GRIK2: variants seen among roughly 807,000 people sequenced by gnomAD.
GRIK2 encodes glutamate ionotropic receptor kainate type subunit 2, also known as glutamate receptor ionotropic, kainate 2.
A neutral mutation model predicts 100.3 loss-of-function variants in GRIK2; 32 were observed. The ratio of observed to expected loss-of-function variants is 0.32; its 90% CI spans 0.24 to 0.43. The LOEUF is 0.43. GRIK2 is among the 20% of genes least tolerant of loss of function. The pLI, the probability that GRIK2 is intolerant of heterozygous loss-of-function variation, is 1.00. For synonymous variants in GRIK2, 417 were observed against 389.4 expected (o/e 1.07, Z -0.83); for missense variants, 843 against 1,114.9 (o/e 0.76, Z 3.47).
chr6:101,855,483 G>A (rs571847032), intron 10 of GRIK2, among the ~76,000 whole-genome samples: 25 of 152,190 alleles, frequency 1.6e-4, no homozygotes, highest in Admixed American at 6.5e-4. Context: ...GTTAAATGAC[G>A]AGAAAACAAC....
chr6:101,413,613 G>C (rs1300777846), intron 2 of GRIK2, among the ~76,000 whole-genome samples: 1 of 151,924 alleles, frequency 6.6e-6, no homozygotes, highest in Non-Finnish European at 1.5e-5. Flanking sequence ...GATCCTGATT[G>C]TTTTTGTTCT....
chr6:101,557,020 T>TA (rs200959813), intron 2 of GRIK2, among the ~76,000 whole-genome samples: 23,914 of 151,778 alleles, frequency 0.16, 2,167 homozygotes, highest in South Asian at 0.31. Flanking sequence ...TAAAGCTGTT[T>TA]AAAAAAAAAC....
At chr6:101,816,595 G>A (rs1351685615) in intron 9 of GRIK2, among the ~76,000 whole-genome samples, 2 of 152,164 alleles carry the variant, frequency 1.3e-5, no homozygotes, top group Non-Finnish European at 2.9e-5. Context: ...GGAGGCTGAG[G>A]CAGGAGAATT....
chr6:101,415,183 G>A (rs554917261), intron 2 of GRIK2, among the ~76,000 whole-genome samples: 6 of 151,816 alleles, frequency 4.0e-5, no homozygotes, highest in Non-Finnish European at 5.9e-5. Flanking sequence ...GATTTAAAAC[G>A]TAATACATGT....
At chr6:101,560,607 A>T (rs961351391) in intron 2 of GRIK2, among the ~76,000 whole-genome samples, 1 of 152,144 alleles carries the variant, frequency 6.6e-6, no homozygotes. Flanking sequence ...AACAATATAT[A>T]CTGTTAAAAC....
At chr6:101,826,875 A>G (rs1782369796) in intron 10 of GRIK2, among the ~76,000 whole-genome samples, 1 of 151,998 alleles carries the variant, frequency 6.6e-6, no homozygotes, top group African/African-American at 2.4e-5. Flanking sequence ...ACATCAGTAA[A>G]TTCCTTTCTT....
intron 4 of GRIK2, among the ~76,000 whole-genome samples, chr6:101,645,953 T>C (rs1436280438): frequency 6.6e-6 from 1 of 152,000 alleles, no homozygotes; most frequent in African/African-American, 2.4e-5. Context: ...TTATACATTT[T>C]TGGTGATAAA....
Position 102,021,948 on chromosome 6 carries a change from T to C in GRIK2, c.2086-13393T>C, listed in dbSNP as rs1214763656. Among the ~76,000 whole-genome samples the C allele has an allele frequency of 5.3e-5, 7 of 131,772 alleles. No homozygotes were observed. In the East Asian group the frequency reaches 6.6e-4, roughly 12 times the overall value. 86.4% of individuals were successfully genotyped at this position (131,772 alleles called of 152,430 possible). Reference sequence around the variant, plus strand: ...AAACACAACGTGGCCAGGATGCTGATACATTCGGAAAAAAAAAAAACTATG... The same window carrying C: ...AAACACAACGTGGCCAGGATGCTGACACATTCGGAAAAAAAAAAAACTATG... On this transcript the variant is annotated intron_variant, in intron 14 of 16. Coordinates refer to ENST00000369134, the MANE Select transcript of GRIK2 (RefSeq NM_021956.5).
intron 11 of GRIK2, among the ~76,000 whole-genome samples, chr6:101,886,899 C>T (rs1786678520): frequency 6.8e-6 from 1 of 147,122 alleles, no homozygotes; most frequent in South Asian, 2.2e-4. Context: ...GATCTCGGCT[C>T]ACTGCAACCT....
At position 101,438,695 on chromosome 6, in the gene GRIK2, G is replaced by A. The variant is rs556296781; in HGVS notation, c.115+39303G>A. Among the ~76,000 whole-genome samples, 13 of 152,070 alleles carry A rather than the reference G, an allele frequency of 8.5e-5. No homozygotes were observed. In the South Asian group the frequency reaches 1.9e-3, roughly 22 times the overall value. On this transcript the variant is annotated intron_variant, in intron 2 of 16. Transcript: ENST00000369134. ...TTACTTTCCAGTAAATATATATAAG[G>A]TAAGATTTCAAAGTGACATGTCAAG...
chr6:101,486,999 C>G (rs577870841), intron 2 of GRIK2, among the ~76,000 whole-genome samples: 1 of 146,304 alleles, frequency 6.8e-6, no homozygotes, highest in Admixed American at 6.8e-5. Flanking sequence ...ATGCCTTTAC[C>G]CCTTTTCAGG....
At chr6:101,768,371 C>T (rs1197936396) in intron 7 of GRIK2, among the ~76,000 whole-genome samples, 1 of 152,140 alleles carries the variant, frequency 6.6e-6, no homozygotes, top group African/African-American at 2.4e-5. Flanking sequence ...GTTTGACATG[C>T]ATTTTCAGAC....
chr6:101,635,535 C>A (rs1450019049), intron 4 of GRIK2, among the ~76,000 whole-genome samples: 1 of 152,046 alleles, frequency 6.6e-6, no homozygotes, highest in Non-Finnish European at 1.5e-5. Flanking sequence ...AGCTTCTGCA[C>A]AGCAAAAGAA....
chr6:101,703,105 T>G (rs1420033700), intron 7 of GRIK2, among the ~76,000 whole-genome samples: 1 of 151,886 alleles, frequency 6.6e-6, no homozygotes, highest in Non-Finnish European at 1.5e-5. Flanking sequence ...GGAATTATTT[T>G]GGGAAGGAAT....
At chr6:101,930,055 T>G (rs1057245857) in intron 14 of GRIK2, among the ~76,000 whole-genome samples, 4 of 152,132 alleles carry the variant, frequency 2.6e-5, no homozygotes, top group African/African-American at 7.2e-5. Context: ...AGAAATAAGC[T>G]GCTAGGCCAG....
Position 101,904,059 on chromosome 6 carries a change from T to C in GRIK2, c.1748+14196T>C, listed in dbSNP as rs1343758230. Reference sequence around the variant, plus strand: ...CTAGCATTGCCCCAACACTTAGCCATGGGGCCTTTTTTTTTTCTCTGTTAA... The same window carrying C: ...CTAGCATTGCCCCAACACTTAGCCACGGGGCCTTTTTTTTTTCTCTGTTAA... On this transcript the variant is annotated intron_variant, in intron 12 of 16. Coordinates refer to ENST00000369134, the MANE Select transcript of GRIK2 (RefSeq NM_021956.5). Among the ~76,000 whole-genome samples, 6 of 151,394 alleles carry C rather than the reference T, an allele frequency of 4.0e-5. No individual in the cohort carries two copies. The South Asian group carries it at 1.2e-3, about 31-fold the overall frequency.
chr6:101,639,640 G>T (rs1166797382), intron 4 of GRIK2, among the ~76,000 whole-genome samples: 1 of 151,806 alleles, frequency 6.6e-6, no homozygotes, highest in Non-Finnish European at 1.5e-5. Flanking sequence ...ACAGTTTTCT[G>T]TTTTCTGGGA....
intron 2 of GRIK2, among the ~76,000 whole-genome samples, chr6:101,614,296 C>T (rs138902348): frequency 2.0e-5 from 3 of 151,550 alleles, no homozygotes; most frequent in African/African-American, 7.3e-5. Context: ...TCTTTTCCCC[C>T]CAAACTTTTA....
chr6:101,936,176 G>T (rs1381406205), intron 14 of GRIK2, among the ~76,000 whole-genome samples: 2 of 151,898 alleles, frequency 1.3e-5, no homozygotes, highest in East Asian at 3.9e-4. Context: ...TATTGTTAAT[G>T]AAATTTTTGT....
Sources: allele counts gnomAD v4.1 joint callset (sites outside exome capture counted in the v4.1 genomes callset), GRCh38; gene constraint gnomAD v4.1.1; transcripts MANE v1.5; gene names NCBI Gene and HGNC (gene_info 2026-07-23, HGNC 2026-07-21).